RPTOR: variants seen among roughly 807,000 people sequenced by gnomAD.
RPTOR encodes regulatory-associated protein of mTOR.
In RPTOR, 21 loss-of-function variants were observed where a neutral mutation model predicts 169.9. That is an observed-to-expected ratio of 0.12 (90% CI 0.09 to 0.18). The LOEUF is 0.18. Ranked by LOEUF, RPTOR falls within the 10% of genes least tolerant of loss-of-function variation. The pLI, the probability that RPTOR is intolerant of heterozygous loss-of-function variation, is 1.00. For synonymous variants in RPTOR, 732 were observed against 753.2 expected, an observed-to-expected ratio of 0.97 and a Z score of 0.46; for missense variants, 1,133 against 1,855.9, an observed-to-expected ratio of 0.61 and a Z score of 7.16.
chr17:80,825,353 G>A (rs558360349), intron 9 of RPTOR, among the ~76,000 whole-genome samples: 43 of 152,050 alleles, frequency 2.8e-4, no homozygotes, highest in African/African-American at 8.7e-4. Flanking sequence ...TCTAGAGGCC[G>A]CGTGGCGAGG....
intron 3 of RPTOR, among the ~76,000 whole-genome samples, chr17:80,702,467 GTC>G (rs996913603): frequency 6.6e-6 from 1 of 152,126 alleles, no homozygotes; most frequent in Non-Finnish European, 1.5e-5. Context: ...TGCCTCTCCT[GTC>G]TCTCAGACCA....
At chr17:80,657,449 A>G (rs575049715) in intron 3 of RPTOR, among the ~76,000 whole-genome samples, 8 of 152,304 alleles carry the variant, frequency 5.3e-5, no homozygotes, top group African/African-American at 1.7e-4. Flanking sequence ...TTTGATAGCC[A>G]AAGTAACCAG....
chr17:80,743,282 CG>C, intron 5 of RPTOR: 1 of 985,420 alleles, frequency 1.0e-6, no homozygotes, highest in Non-Finnish European at 1.2e-6. Context: ...AAAATGTTTC[CG>C]GGGGTGAAGG....
chr17:80,930,204 A>C (rs1225811272), intron 24 of RPTOR, among the ~76,000 whole-genome samples: 1 of 120,216 alleles, frequency 8.3e-6, no homozygotes, highest in Non-Finnish European at 1.8e-5. Context: ...TGCCCAGCTC[A>C]TCCCCAGCTC....
intron 28 of RPTOR, among the ~76,000 whole-genome samples, chr17:80,954,940 AAG>A (rs1415042031): frequency 5.9e-5 from 9 of 152,320 alleles, no homozygotes; most frequent in African/African-American, 2.2e-4. Flanking sequence ...GAAAGAAAGA[AAG>A]AAATCATAGA....
intron 1 of RPTOR, among the ~76,000 whole-genome samples, chr17:80,573,309 G>A (rs1401977573): frequency 6.6e-6 from 1 of 152,124 alleles, no homozygotes; most frequent in Non-Finnish European, 1.5e-5. Flanking sequence ...AATTTGGGGG[G>A]TATTTGATTG....
At position 80,791,472 on chromosome 17, in the gene RPTOR, A is replaced by G. The variant is rs1414065826; in HGVS notation, c.853A>G (p.Ser285Gly). ...LRWFCMQKCV[S>G]LVPGVTLDLI... ...CAGGTTTTGCATGCAGAAATGTGTC[A>G]GTCTGGTGCCTGGCGTCACACTGGA... is the stretch of plus-strand genomic sequence containing the variant. Residue 285 changes from serine to glycine, a missense_variant, in exon 7 of 34, where the codon AGT becomes GGT. Ser to Gly is a moderately conservative substitution (Grantham distance 56). This residue lies in a region of RPTOR where 289 missense variants were observed against 585.8 expected (regional missense o/e 0.49). Transcript: ENST00000306801. 1 of 1,613,910 alleles carries G rather than the reference A, an allele frequency of 6.2e-7. No individual in the cohort carries two copies. The highest frequency in any genetic ancestry group is 2.2e-5 in the East Asian group (1 of 44,862).
At chr17:80,896,911 G>T (rs7223865) in intron 20 of RPTOR, among the ~76,000 whole-genome samples, 110,653 of 152,126 alleles carry the variant, frequency 0.73, 40,636 homozygotes, top group Admixed American at 0.79. Context: ...TTACCTTTCA[G>T]TTTTTGTAAT....
At chr17:80,800,580 C>T (rs9905648) in intron 7 of RPTOR, among the ~76,000 whole-genome samples, 1 of 152,026 alleles carries the variant, frequency 6.6e-6, no homozygotes, top group Non-Finnish European at 1.5e-5. Context: ...AGCGACCCCC[C>T]CAGTTTCTAA....
chr17:80,911,310 G>A (rs941483215), intron 21 of RPTOR, among the ~76,000 whole-genome samples: 3 of 152,192 alleles, frequency 2.0e-5, no homozygotes, highest in African/African-American at 7.2e-5. Flanking sequence ...GTGGCCAGCT[G>A]CACGGGCACC....
At chr17:80,552,753 A>G (rs962667916) in intron 1 of RPTOR, among the ~76,000 whole-genome samples, 1 of 152,388 alleles carries the variant, frequency 6.6e-6, no homozygotes, top group Non-Finnish European at 1.5e-5. Context: ...AAAGTTACAT[A>G]AGTAACATGG....
chr17:80,908,852 C>T lies in RPTOR; in HGVS notation c.2443C>T (p.Leu815=), dbSNP rs542663231. Residue 815 remains leucine, a synonymous_variant, in exon 21 of 34, where the codon CTG becomes TTG. Transcript: ENST00000306801. ...TGTTTACACTCAGATTTGGAGAGTC[C>T]TGCTGCACCTGGCTGCTGACCCCTA... ...NSVYTQIWRV[L]LHLAADPYPE... The T allele has an allele frequency of 6.2e-6, 10 of 1,614,020 alleles. No individual in the cohort carries two copies. The African/African-American group carries it at 1.3e-4, about 22-fold the overall frequency.
At chr17:80,596,763 C>G (rs2065147459) in intron 1 of RPTOR, among the ~76,000 whole-genome samples, 1 of 152,032 alleles carries the variant, frequency 6.6e-6, no homozygotes, top group South Asian at 2.1e-4. Context: ...TTCAATGGAT[C>G]CAAAGAGAGG....
intron 6 of RPTOR, among the ~76,000 whole-genome samples, chr17:80,766,317 T>C (rs1598290582): frequency 6.6e-6 from 1 of 152,230 alleles, no homozygotes; most frequent in East Asian, 1.9e-4. Context: ...CCTTACAAAG[T>C]GCTGGAATTA....
At position 80,892,607 on chromosome 17, in the gene RPTOR, G is replaced by A; in HGVS notation, c.2102-122G>A. On this transcript the variant is annotated intron_variant, in intron 18 of 33. Transcript: ENST00000306801. ...CCCTGAGCTGTGCAGCCCCTGCTCT[G>A]ACATTTGTTGCAGCACAGGTAGCAG... 2.7e-6 allele frequency: 3 copies of A among 1,113,056 alleles called. No individual in the cohort carries two copies. In the South Asian group the frequency reaches 4.3e-5, roughly 16 times the overall value. The allele number at this position is 1,113,056 out of a possible 1,614,324, so 68.9% of individuals were successfully genotyped here.
chr17:80,590,193 C>T (rs1160427067), intron 1 of RPTOR, among the ~76,000 whole-genome samples: 1 of 152,178 alleles, frequency 6.6e-6, no homozygotes, highest in African/African-American at 2.4e-5. Flanking sequence ...TGCAGGTATG[C>T]GCACATGCGT....
chr17:80,558,791 G>T (rs1461087408), intron 1 of RPTOR, among the ~76,000 whole-genome samples: 1 of 152,244 alleles, frequency 6.6e-6, no homozygotes, highest in South Asian at 2.1e-4. Context: ...AGGTGTTGCT[G>T]CCTGCCCAGC....
At chr17:80,694,643 G>A (rs2066021081) in intron 3 of RPTOR, among the ~76,000 whole-genome samples, 1 of 152,230 alleles carries the variant, frequency 6.6e-6, no homozygotes, top group South Asian at 2.1e-4. Context: ...ACCTGCAGCT[G>A]TTGATCACGG....
chr17:80,875,808 G>T (rs376215305), intron 13 of RPTOR, among the ~76,000 whole-genome samples: 7 of 145,502 alleles, frequency 4.8e-5, no homozygotes, highest in African/African-American at 1.3e-4. Context: ...TCGCCTGCCG[G>T]GTCTTCCCAC....
Sources: allele counts gnomAD v4.1 joint callset (sites outside exome capture counted in the v4.1 genomes callset), GRCh38; gene constraint gnomAD v4.1.1; regional missense constraint gnomAD v4.1.1; transcripts MANE v1.5; gene names NCBI Gene and HGNC (gene_info 2026-07-23, HGNC 2026-07-21).